Variants in SH3BP4 observed in about 807,000 individuals in gnomAD.
SH3BP4 encodes the protein SH3 domain binding protein 4.
Under a neutral mutation model 65.5 loss-of-function variants are expected in SH3BP4, and 33 were observed. That is an observed-to-expected ratio of 0.50 (90% CI 0.38 to 0.67). The LOEUF is 0.67. Ranked by LOEUF, SH3BP4 falls within the 30% of genes least tolerant of loss-of-function variation. The pLI, the probability that SH3BP4 is intolerant of heterozygous loss-of-function variation, is 0.00. For missense variants in SH3BP4, 1,134 were observed against 1,261.4 expected, an observed-to-expected ratio of 0.90 and a Z score of 1.53; for synonymous variants, 552 against 545.5, an observed-to-expected ratio of 1.01 and a Z score of -0.17.
intron 3 of SH3BP4, among the ~76,000 whole-genome samples, chr2:235,039,684 C>T (rs1695575030): frequency 6.6e-6 from 1 of 152,108 alleles, no homozygotes; most frequent in Non-Finnish European, 1.5e-5. Context: ...CTCATTTAAT[C>T]ATATCCATTA....
rs1695818608 is a variant in SH3BP4, at chr2:235,045,328, A to C, written c.2478+2081A>C. 6.6e-6 allele frequency among the ~76,000 whole-genome samples: 1 copy of C among 152,222 alleles called. No homozygotes were observed. Among genetic ancestry groups the C allele is most frequent in the Admixed American group, 6.5e-5 (1 of 15,292 alleles). On this transcript the variant is annotated intron_variant, in intron 4 of 5. Coordinates refer to ENST00000392011, the MANE Select transcript of SH3BP4 (RefSeq NM_014521.3). This position sits in a 1 kb window ranked among gnomAD's most constrained non-coding sequence, Gnocchi z 4.3. ...ACCAGGAGTACCACACCAGCTGTGG[A>C]AAATAACCGCCGAGTAGGTGGCTTT...
intron 3 of SH3BP4, among the ~76,000 whole-genome samples, chr2:235,037,725 A>G (rs1259909440): frequency 2.6e-5 from 4 of 152,164 alleles, no homozygotes; most frequent in Non-Finnish European, 5.9e-5. Context: ...AAGGAGATAA[A>G]ATGGTTTATA....
At chr2:235,029,156 G>A (rs1301743817) in intron 2 of SH3BP4, among the ~76,000 whole-genome samples, 4 of 152,218 alleles carry the variant, frequency 2.6e-5, no homozygotes. Flanking sequence ...GATGTGCTGG[G>A]GAGAGGTCAG....
chr2:234,964,028 C>T (rs1457389192), intron 1 of SH3BP4, among the ~76,000 whole-genome samples: 1 of 152,148 alleles, frequency 6.6e-6, no homozygotes, highest in Non-Finnish European at 1.5e-5. Context: ...TATTTTTTGG[C>T]CTGTCTCCTG....
In SH3BP4 at chr2:235,013,519, T is replaced by A. The variant is rs115539836; in HGVS notation, c.-133+18143T>A. ...GATGGGCACTCATTTGCATTAGTAA[T>A]TATTTTGTTAGTTGGTGCATATACC... On this transcript the variant is annotated intron_variant, in intron 2 of 5. Coordinates refer to ENST00000392011, the MANE Select transcript of SH3BP4 (RefSeq NM_014521.3). Among the ~76,000 whole-genome samples the A allele has an allele frequency of 2.6e-3, 395 of 152,262 alleles. 1 individual carries two copies. The highest frequency in any genetic ancestry group is 9.1e-3 in the African/African-American group (378 of 41,540).
chr2:235,030,165 C>T lies in SH3BP4; in HGVS notation c.-132-4706C>T, dbSNP rs1184611321. On this transcript the variant is annotated intron_variant, in intron 2 of 5. Coordinates refer to ENST00000392011, the MANE Select transcript of SH3BP4 (RefSeq NM_014521.3). This position sits in a 1 kb window ranked among gnomAD's most constrained non-coding sequence, Gnocchi z 4.1. ...ACTGTCCAGAAGTGTTGTAGCAGGG[C>T]AGCAGCATGGCTTTGAGAAAATCAA... 1.3e-5 allele frequency among the ~76,000 whole-genome samples: 2 copies of T among 152,064 alleles called. No individual in the cohort carries two copies. Among genetic ancestry groups the T allele is most frequent in the African/African-American group, 4.8e-5 (2 of 41,398 alleles).
At position 235,030,991 on chromosome 2, in the gene SH3BP4, G is replaced by T. The variant is rs1460437697; in HGVS notation, c.-132-3880G>T. Among the ~76,000 whole-genome samples the T allele has an allele frequency of 6.6e-6, 1 of 152,124 alleles. No homozygotes were observed. The highest frequency in any genetic ancestry group is 2.4e-5 in the African/African-American group (1 of 41,416). On this transcript the variant is annotated intron_variant, in intron 2 of 5. Coordinates refer to ENST00000392011, the MANE Select transcript of SH3BP4 (RefSeq NM_014521.3). This position sits in a 1 kb window ranked among gnomAD's most constrained non-coding sequence, Gnocchi z 4.1. ...GGGTGTTACAGCTACACTCAAGGAT[G>T]GCCTCCCTCTGGCCCTGGGGAGGAA...
In SH3BP4 at chr2:235,042,384, G is replaced by A; in HGVS notation, c.1615G>A (p.Val539Ile). The A allele has an allele frequency of 1.2e-6, 2 of 1,614,152 alleles. No individual in the cohort carries two copies. Among genetic ancestry groups the A allele is most frequent in the Non-Finnish European group, 1.7e-6 (2 of 1,180,026 alleles). ...TTTGTCCAGGCCCCAGGATCTCAAGGTCTGTATGTTTTCCAATATGACGAA... is the reference window on the plus strand; with the variant it reads ...TTTGTCCAGGCCCCAGGATCTCAAGATCTGTATGTTTTCCAATATGACGAA... ...FVLSRPQDLK[V>I]CMFSNMTNYE... is the part of the protein sequence containing the mutation. The change falls in exon 4 of 6, where the codon GTC becomes ATC. Residue 539 changes from valine to isoleucine, a missense_variant. By Grantham distance (29) the Val-to-Ile change is conservative. Coordinates refer to ENST00000392011, the MANE Select transcript of SH3BP4 (RefSeq NM_014521.3). The surrounding 1 kb of genome is among the most constrained non-coding windows in gnomAD (Gnocchi z 7.3).
intron 2 of SH3BP4, among the ~76,000 whole-genome samples, chr2:235,018,241 G>T (rs1473330248): frequency 1.3e-5 from 2 of 152,146 alleles, no homozygotes; most frequent in African/African-American, 4.8e-5. Flanking sequence ...CTGGGTGCTT[G>T]CTGGGAGTGA....
At chr2:234,961,472 A>G (rs1692714087) in intron 1 of SH3BP4, among the ~76,000 whole-genome samples, 1 of 152,000 alleles carries the variant, frequency 6.6e-6, no homozygotes, top group African/African-American at 2.4e-5. Flanking sequence ...GGGTTTTACC[A>G]TGTTGGCCAG....
At position 235,045,457 on chromosome 2, in the gene SH3BP4, C is replaced by T. The variant is rs901626995; in HGVS notation, c.2478+2210C>T. 2.0e-5 allele frequency among the ~76,000 whole-genome samples: 3 copies of T among 152,036 alleles called. No individual in the cohort carries two copies. Among genetic ancestry groups the T allele is most frequent in the Non-Finnish European group, 2.9e-5 (2 of 67,994 alleles). On this transcript the variant is annotated intron_variant, in intron 4 of 5. Coordinates refer to ENST00000392011, the MANE Select transcript of SH3BP4 (RefSeq NM_014521.3). This position sits in a 1 kb window ranked among gnomAD's most constrained non-coding sequence, Gnocchi z 4.3. ...CTCTGGGAGGGGATTTTTTGGTGGG[C>T]CTCCCTGTCCGCTCCAGGGAGGGGT...
intron 1 of SH3BP4, chr2:234,953,093 CTG>C (rs1443318971): frequency 6.6e-5 from 10 of 152,276 alleles, no homozygotes; most frequent in Admixed American, 2.6e-4. Flanking sequence ...AAAAAGAACA[CTG>C]TGCGAGATTG....
At position 234,967,963 on chromosome 2, in the gene SH3BP4, G is replaced by C. The variant is rs894992724; in HGVS notation, c.-207+15793G>C. Among the ~76,000 whole-genome samples the C allele has an allele frequency of 2.0e-5, 3 of 152,148 alleles. No individual in the cohort carries two copies. Among genetic ancestry groups the C allele is most frequent in the Non-Finnish European group, 2.9e-5 (2 of 68,028 alleles). ...AGGACCGGAAGCTCCCACCCAGATG[G>C]TGAAGGCACCTGCTGGGTTTCCTGC... On this transcript the variant is annotated intron_variant, in intron 1 of 5. Coordinates refer to ENST00000392011, the MANE Select transcript of SH3BP4 (RefSeq NM_014521.3). The surrounding 1 kb of genome is among the most constrained non-coding windows in gnomAD (Gnocchi z 4.6).
At chr2:235,008,007 G>A (rs1694353760) in intron 2 of SH3BP4, among the ~76,000 whole-genome samples, 1 of 152,288 alleles carries the variant, frequency 6.6e-6, no homozygotes, top group South Asian at 2.1e-4. Context: ...CGCGTGAGCT[G>A]CACCCCTGTG....
At chr2:234,969,581 T>C (rs555221673) in intron 1 of SH3BP4, among the ~76,000 whole-genome samples, 1 of 150,616 alleles carries the variant, frequency 6.6e-6, no homozygotes, top group South Asian at 2.1e-4. Flanking sequence ...ATCGTGCCTC[T>C]TCCTGGCCTG....
chr2:234,995,150 G>A lies in SH3BP4; in HGVS notation c.-206-153G>A, dbSNP rs1436096928. On this transcript the variant is annotated intron_variant, in intron 1 of 5. Transcript: ENST00000392011. ...CTTCAGAAGGGGACCTGGGGGCCGC[G>A]TGGCAGCGTCCACCACCATCCTCAC... Among the ~76,000 whole-genome samples the A allele has an allele frequency of 3.9e-5, 6 of 152,322 alleles. No individual in the cohort carries two copies. In the East Asian group the frequency reaches 7.7e-4, roughly 20 times the overall value.
In SH3BP4 at chr2:235,052,517, C is replaced by T; in HGVS notation, c.2479-45C>T. 7.0e-7 allele frequency: 1 copy of T among 1,438,136 alleles called. No individual in the cohort carries two copies. Among genetic ancestry groups the T allele is most frequent in the Non-Finnish European group, 9.3e-7 (1 of 1,070,786 alleles). The allele number at this position is 1,438,136 out of a possible 1,614,324, so 89.1% of individuals were successfully genotyped here. On this transcript the variant is annotated intron_variant, in intron 4 of 5. Coordinates refer to ENST00000392011, the MANE Select transcript of SH3BP4 (RefSeq NM_014521.3). The surrounding 1 kb of genome is among the most constrained non-coding windows in gnomAD (Gnocchi z 5.0). ...GAATTCTGCGGGGAGCAGAGCCTGC[C>T]CCACTCCCTACACTGTCTCACGCTG...
intron 2 of SH3BP4, among the ~76,000 whole-genome samples, chr2:235,014,206 T>G (rs1368369352): frequency 6.6e-6 from 1 of 152,134 alleles, no homozygotes; most frequent in Admixed American, 6.5e-5. Flanking sequence ...ATCAGCCTGA[T>G]CCTTCAGGAA....
chr2:235,028,803 A>G (rs1337125263), intron 2 of SH3BP4, among the ~76,000 whole-genome samples: 1 of 152,184 alleles, frequency 6.6e-6, no homozygotes, highest in Non-Finnish European at 1.5e-5. Flanking sequence ...TCTCGTGTCT[A>G]GGCTGGGGCC....
Sources: allele counts gnomAD v4.1 joint callset (sites outside exome capture counted in the v4.1 genomes callset), GRCh38; gene constraint gnomAD v4.1.1; non-coding constraint Gnocchi (gnomAD v3.1); transcripts MANE v1.5; gene names NCBI Gene and HGNC (gene_info 2026-07-23, HGNC 2026-07-21).